COG5: variants seen among roughly 807,000 people sequenced by gnomAD.
COG5 encodes the protein component of oligomeric golgi complex 5.
In COG5, 86 loss-of-function variants were observed where a neutral mutation model predicts 110.4. The ratio of observed to expected loss-of-function variants is 0.78; its 90% CI spans 0.65 to 0.93. The LOEUF (loss-of-function observed/expected upper bound fraction) is 0.93, where lower values mean the gene tolerates loss of function less well. Ranked by LOEUF, COG5 falls within the 40% of genes least tolerant of loss-of-function variation. The pLI is 0.00. For synonymous variants in COG5, 360 were observed against 334.6 expected (o/e 1.08, Z -0.83); for missense variants, 1,077 against 987.0 (o/e 1.09, Z -1.22).
At chr7:107,368,392 A>G (rs1408797252) in intron 8 of COG5, among the ~76,000 whole-genome samples, 1 of 152,148 alleles carries the variant, frequency 6.6e-6, no homozygotes, top group Non-Finnish European at 1.5e-5. Flanking sequence ...TATAAAAAGA[A>G]AAACACAGGA....
chr7:107,265,078 C>T (rs183234107), intron 14 of COG5, among the ~76,000 whole-genome samples: 19 of 152,180 alleles, frequency 1.2e-4, no homozygotes, highest in Non-Finnish European at 2.5e-4. Flanking sequence ...GTAGAATATA[C>T]TTAGAAATTG....
chr7:107,321,738 A>G (rs1809309266), intron 11 of COG5, among the ~76,000 whole-genome samples: 2 of 152,222 alleles, frequency 1.3e-5, no homozygotes, highest in African/African-American at 2.4e-5. Flanking sequence ...AACATACACG[A>G]AAATTAACTC....
chr7:107,300,440 G>A (rs1429974789), intron 11 of COG5, among the ~76,000 whole-genome samples: 1 of 152,082 alleles, frequency 6.6e-6, no homozygotes, highest in Non-Finnish European at 1.5e-5. Context: ...TGGAATATGA[G>A]AAAAGCTACT....
intron 16 of COG5, among the ~76,000 whole-genome samples, chr7:107,251,885 C>A (rs1296557702): frequency 6.6e-6 from 1 of 151,842 alleles, no homozygotes; most frequent in African/African-American, 2.4e-5. Flanking sequence ...AAGCAGAAAT[C>A]ATTGAAACAG....
In COG5 at chr7:107,209,229, A is replaced by G. The variant is rs1007145284; in HGVS notation, c.2375+1297T>C. 7.1e-6 allele frequency: 7 copies of G among 985,460 alleles called. 1 individual carries two copies. The highest frequency in any genetic ancestry group is 1.0e-3 in the Middle Eastern group (2 of 1,914). 61.0% of individuals were successfully genotyped at this position (985,460 alleles called of 1,614,324 possible). On this transcript the variant is annotated intron_variant, in intron 21 of 21. Transcript: ENST00000297135. ...AGAGTTGAGAATGACTTCAAGAGCT[A>G]TTTTAGAGACGCAACAGAGTGGGTT... is the stretch of plus-strand genomic sequence containing the variant.
chr7:107,211,291 A>G, intron 19 of COG5, 66 bp from the exon 20 acceptor site: 1 of 1,552,730 alleles, frequency 6.4e-7, no homozygotes, highest in African/African-American at 1.4e-5. Flanking sequence ...TGGTGGGAGA[A>G]TCATTCTCCT....
chr7:107,246,791 C>T (rs769518403), intron 17 of COG5, among the ~76,000 whole-genome samples: 1 of 152,180 alleles, frequency 6.6e-6, no homozygotes, highest in Non-Finnish European at 1.5e-5. Context: ...TTAGTTCAAC[C>T]ATTGTGGAAG....
chr7:107,539,318 G>C (rs148620684), intron 5 of COG5, among the ~76,000 whole-genome samples: 52 of 152,278 alleles, frequency 3.4e-4, no homozygotes, highest in African/African-American at 1.3e-3. Context: ...AGGACCTGCT[G>C]TATGTTCTTT....
At chr7:107,545,285 T>C (rs1288137866) in intron 5 of COG5, among the ~76,000 whole-genome samples, 3 of 152,098 alleles carry the variant, frequency 2.0e-5, no homozygotes, top group African/African-American at 7.2e-5. Flanking sequence ...CTCAAAGATC[T>C]CCAATCAGGT....
At chr7:107,374,413 T>C (rs944327128) in intron 7 of COG5, among the ~76,000 whole-genome samples, 6 of 152,096 alleles carry the variant, frequency 3.9e-5, no homozygotes, top group African/African-American at 1.4e-4. Context: ...TTTAAAACTA[T>C]ATTTATTGCC....
intron 19 of COG5, among the ~76,000 whole-genome samples, chr7:107,227,866 G>T: frequency 6.6e-6 from 1 of 152,136 alleles, no homozygotes; most frequent in African/African-American, 2.4e-5. Context: ...GTGCTGCCAT[G>T]CCTGGCTAAT....
At chr7:107,269,937 A>T (rs1804109677) in intron 14 of COG5, among the ~76,000 whole-genome samples, 1 of 152,198 alleles carries the variant, frequency 6.6e-6, no homozygotes. Context: ...AAGAGCATTT[A>T]ATCAGTTTTA....
intron 21 of COG5, chr7:107,210,243 G>A (rs986679967): frequency 2.4e-5 from 31 of 1,277,540 alleles, no homozygotes; most frequent in Admixed American, 3.4e-5. Context: ...AGCAAATGAT[G>A]ATTTTCAAAG....
chr7:107,293,889 T>C (rs1806374631), intron 12 of COG5, among the ~76,000 whole-genome samples: 1 of 151,974 alleles, frequency 6.6e-6, no homozygotes, highest in African/African-American at 2.4e-5. Flanking sequence ...CTGGCCAAAA[T>C]GGCGAAACTC....
intron 14 of COG5, among the ~76,000 whole-genome samples, 178 bp downstream of exon 14, chr7:107,281,121 AT>A (rs1805129721): frequency 6.6e-6 from 1 of 152,036 alleles, no homozygotes; most frequent in Admixed American, 6.6e-5. Flanking sequence ...TAGGAGGGCC[AT>A]TTTTTTGTTA....
chr7:107,366,459 T>C (rs1461261864), intron 8 of COG5, among the ~76,000 whole-genome samples: 1 of 151,478 alleles, frequency 6.6e-6, no homozygotes, highest in Non-Finnish European at 1.5e-5. Context: ...AAACATTCAA[T>C]ATACAATGGA....
intron 14 of COG5, among the ~76,000 whole-genome samples, chr7:107,267,674 C>T (rs1803909048): frequency 6.6e-6 from 1 of 152,118 alleles, no homozygotes; most frequent in African/African-American, 2.4e-5. Flanking sequence ...AAAAGAATGA[C>T]AGTTTATTAC....
At chr7:107,548,479 C>A in intron 3 of COG5, 147 bp from the exon 4 acceptor site, 1 of 756,788 alleles carries the variant, frequency 1.3e-6, no homozygotes, top group Non-Finnish European at 2.3e-6. Flanking sequence ...CTTTTACCCA[C>A]ACTGCTGTAA....
intron 6 of COG5, among the ~76,000 whole-genome samples, chr7:107,439,060 T>A (rs1290375577): frequency 6.6e-6 from 1 of 152,146 alleles, no homozygotes; most frequent in Non-Finnish European, 1.5e-5. Flanking sequence ...TCTCTTCTAA[T>A]GATCCTGTGT....
Sources: allele counts gnomAD v4.1 joint callset (sites outside exome capture counted in the v4.1 genomes callset), GRCh38; gene constraint gnomAD v4.1.1; transcripts MANE v1.5; gene names NCBI Gene and HGNC (gene_info 2026-07-23, HGNC 2026-07-21).